The following IQANK1 variants were observed in gnomAD, a reference collection of about 807,000 sequenced individuals.
IQANK1 encodes the protein IQ motif and ankyrin repeat containing 1.
Under a neutral mutation model 22.6 loss-of-function variants are expected in IQANK1, and 30 were observed. The observed-to-expected ratio is 1.33, with a 90% CI of 0.99 to 1.80. IQANK1 has a LOEUF of 1.80. IQANK1 is among the 40% of genes most tolerant of loss of function. The pLI is 0.00. For synonymous variants in IQANK1, 122 were observed against 99.6 expected, an observed-to-expected ratio of 1.23 and a Z score of -1.34; for missense variants, 275 against 235.2, an observed-to-expected ratio of 1.17 and a Z score of -1.11.
At chr8:143,754,576 C>A (rs1819253896) in intron 3 of IQANK1, among the ~76,000 whole-genome samples, 1 of 152,110 alleles carries the variant, frequency 6.6e-6, no homozygotes, top group Non-Finnish European at 1.5e-5. Flanking sequence ...TTCATCAAAG[C>A]CTGCAAGGGA....
Position 143,735,850 on chromosome 8 carries a change from G to A in IQANK1, c.-4G>A. 1.4e-6 allele frequency: 1 copy of A among 702,564 alleles called. No individual in the cohort carries two copies. The highest frequency in any genetic ancestry group is 1.5e-5 in the South Asian group (1 of 67,598). 43.5% of individuals were successfully genotyped at this position (702,564 alleles called of 1,614,324 possible). A position where few individuals can be genotyped will look rare whatever the true frequency, so the allele number is the denominator to read the frequency against. ...TGGTCCTTCCCTACCCACCCCCCAG[G>A]AGAATGGACAGTAAGAAGGGGAGAC... On this transcript the variant is annotated splice_region_variant and 5_prime_UTR_variant, in exon 2 of 14. Transcript: ENST00000527139. The surrounding 1 kb of genome is among the most constrained non-coding windows in gnomAD (Gnocchi z 5.2).
intron 3 of IQANK1, chr8:143,759,101 C>T (rs782514646): frequency 9.3e-5 from 30 of 322,494 alleles, no homozygotes; most frequent in Middle Eastern, 1.1e-3. Flanking sequence ...TACTGATCTT[C>T]GACTGCCATG....
In IQANK1 at chr8:143,734,162, C is replaced by T. The variant is rs1818652273; in HGVS notation, c.-62C>T. On this transcript the variant is annotated 5_prime_UTR_variant, in exon 1 of 14. Coordinates refer to ENST00000527139, the MANE Select transcript of IQANK1 (RefSeq NM_001381874.1). ...TCAGTCGCTAGGAAACGAGCGAGCC[C>T]GACGCCAGGGGCGGAGCTCTGGCCT... 1 of 152,192 alleles carries T rather than the reference C, an allele frequency of 6.6e-6. No homozygotes were observed. Among genetic ancestry groups the T allele is most frequent in the Admixed American group, 6.5e-5 (1 of 15,288 alleles). 9.4% of individuals were successfully genotyped at this position (152,192 alleles called of 1,614,324 possible).
chr8:143,748,041 C>T (rs1819069400), intron 3 of IQANK1, among the ~76,000 whole-genome samples: 1 of 150,798 alleles, frequency 6.6e-6, no homozygotes, highest in African/African-American at 2.4e-5. Flanking sequence ...GTCACCCAGG[C>T]TGGAGTGCAA....
Position 143,774,169 on chromosome 8 carries a change from G to C in IQANK1, c.789+1687G>C, listed in dbSNP as rs1211257514. Among the ~76,000 whole-genome samples the C allele has an allele frequency of 1.1e-5, 1 of 89,960 alleles. No individual in the cohort carries two copies. The highest frequency in any genetic ancestry group is 1.4e-4 in the Admixed American group (1 of 6,900). 59.0% of individuals were successfully genotyped at this position (89,960 alleles called of 152,430 possible). A position where few individuals can be genotyped will look rare whatever the true frequency, so the allele number is the denominator to read the frequency against. On this transcript the variant is annotated intron_variant, in intron 7 of 13. Coordinates refer to ENST00000527139, the MANE Select transcript of IQANK1 (RefSeq NM_001381874.1). This position sits in a 1 kb window ranked among gnomAD's most constrained non-coding sequence, Gnocchi z 4.2. ...GGGATTCTTGGACATGACACAAAAA[G>C]CACAATCCAAAAAAAAAAAAAAACC...
intron 3 of IQANK1, among the ~76,000 whole-genome samples, chr8:143,748,830 T>TATATAAATATATAAATATATATA (rs1554627615): frequency 2.4e-5 from 2 of 84,004 alleles, no homozygotes; most frequent in Admixed American, 2.1e-4. Flanking sequence ...AAATATATAT[T>TATATAAATATATAAATATATATA]TCATATATAA....
At chr8:143,748,521 AGAT>A (rs542627141) in intron 3 of IQANK1, among the ~76,000 whole-genome samples, 11 of 138,848 alleles carry the variant, frequency 7.9e-5, no homozygotes, top group African/African-American at 2.4e-4. Context: ...ATATAAATAT[AGAT>A]GATATATATG....
intron 7 of IQANK1, among the ~76,000 whole-genome samples, chr8:143,782,316 G>A (rs545668241): frequency 1.2e-4 from 18 of 152,236 alleles, no homozygotes; most frequent in African/African-American, 4.3e-4. Flanking sequence ...TCTCTTGCCT[G>A]ATTGCTCTGG....
intron 3 of IQANK1, among the ~76,000 whole-genome samples, chr8:143,747,819 A>G (rs902086662): frequency 6.6e-6 from 1 of 152,090 alleles, no homozygotes; most frequent in Non-Finnish European, 1.5e-5. Context: ...ACCCTTGAAA[A>G]TATCCCATGT....
intron 7 of IQANK1, among the ~76,000 whole-genome samples, chr8:143,787,487 G>GGAT (rs1819913155): frequency 6.6e-6 from 1 of 152,048 alleles, no homozygotes; most frequent in Non-Finnish European, 1.5e-5. Flanking sequence ...GACTCAGCCA[G>GGAT]GATGGCAGTT....
intron 3 of IQANK1, among the ~76,000 whole-genome samples, chr8:143,748,551 TATAG>T (rs1207723013): frequency 7.4e-6 from 1 of 134,632 alleles, no homozygotes; most frequent in African/African-American, 2.8e-5. Flanking sequence ...AATATATAAA[TATAG>T]ATATATATAT....
At chr8:143,745,048 T>C (rs1452343252) in intron 3 of IQANK1, 2 of 152,216 alleles carry the variant, frequency 1.3e-5, no homozygotes, top group Non-Finnish European at 2.9e-5. Flanking sequence ...CCCTGGCAAA[T>C]GGCCACAGAC....
intron 3 of IQANK1, among the ~76,000 whole-genome samples, chr8:143,755,663 C>T (rs1279454179): frequency 3.9e-5 from 6 of 152,182 alleles, no homozygotes; most frequent in Admixed American, 3.3e-4. Flanking sequence ...TGTGCCTGGC[C>T]AGAATAAATA....
intron 3 of IQANK1, chr8:143,759,002 T>C (rs938578143): frequency 2.1e-5 from 4 of 189,320 alleles, no homozygotes; most frequent in Admixed American, 6.1e-5. Flanking sequence ...TCGGGTGGGC[T>C]TTCTCCATAG....
At chr8:143,751,656 G>GTATATATATATA (rs1430170946) in intron 3 of IQANK1, among the ~76,000 whole-genome samples, 4 of 39,630 alleles carry the variant, frequency 1.0e-4, no homozygotes, top group Non-Finnish European at 3.9e-4. Flanking sequence ...GTGTGTGTGT[G>GTATATATATATA]TGTGTGTGTA....
intron 2 of IQANK1, among the ~76,000 whole-genome samples, chr8:143,738,110 C>T (rs1175256224): frequency 1.3e-5 from 2 of 152,162 alleles, no homozygotes; most frequent in African/African-American, 4.8e-5. Flanking sequence ...CCCCGCTTCA[C>T]CCTGAGGGCC....
chr8:143,751,927 C>T (rs1317979289), intron 3 of IQANK1, among the ~76,000 whole-genome samples: 1 of 3,700 alleles, frequency 2.7e-4, no homozygotes, highest in Non-Finnish European at 8.7e-4. Context: ...TTCTTTTTTG[C>T]CAGTTTTTTT....
intron 7 of IQANK1, among the ~76,000 whole-genome samples, chr8:143,773,181 C>G (rs1819614405): frequency 6.6e-6 from 1 of 152,126 alleles, no homozygotes; most frequent in African/African-American, 2.4e-5. Context: ...GTGGCGCACG[C>G]CTGTAGTCCC....
At chr8:143,763,239 G>A (rs148956958) in intron 3 of IQANK1, among the ~76,000 whole-genome samples, 1 of 152,030 alleles carries the variant, frequency 6.6e-6, no homozygotes, top group Non-Finnish European at 1.5e-5. Flanking sequence ...TGGTCTCAAA[G>A]TCCTGACCTC....
Sources: allele counts gnomAD v4.1 joint callset (sites outside exome capture counted in the v4.1 genomes callset), GRCh38; gene constraint gnomAD v4.1.1; non-coding constraint Gnocchi (gnomAD v3.1); transcripts MANE v1.5; gene names NCBI Gene and HGNC (gene_info 2026-07-23, HGNC 2026-07-21).